NPNT: variants seen among roughly 807,000 people sequenced by gnomAD.
NPNT encodes nephronectin, also known as preosteoblast EGF-like repeat protein with MAM domain.
In NPNT, 45 loss-of-function variants were observed where a neutral mutation model predicts 68.6. The ratio of observed to expected loss-of-function variants is 0.66; its 90% CI spans 0.52 to 0.84. NPNT has a LOEUF of 0.84. NPNT is among the 40% of genes least tolerant of loss of function. The pLI, the probability that NPNT is intolerant of heterozygous loss-of-function variation, is 0.00. For missense variants in NPNT, 672 were observed against 714.8 expected (o/e 0.94, Z 0.68); for synonymous variants, 233 against 253.3 (o/e 0.92, Z 0.76).
rs541440579 is a variant in NPNT, at chr4:105,935,695, G to A, written c.266-1314G>A. Among the ~76,000 whole-genome samples, 7 of 152,182 alleles carry A rather than the reference G, an allele frequency of 4.6e-5. No homozygotes were observed. In the South Asian group the frequency reaches 6.2e-4, roughly 14 times the overall value. On this transcript the variant is annotated intron_variant, in intron 3 of 11. Transcript: ENST00000379987. ...TTTGGTTTATTTATTTAACCTTTCCGGGATTTGCCCAGCTCGGGGTCTGCT... is the reference window on the plus strand; with the variant it reads ...TTTGGTTTATTTATTTAACCTTTCCAGGATTTGCCCAGCTCGGGGTCTGCT...
At chr4:105,918,732 A>C (rs10014611) in intron 2 of NPNT, among the ~76,000 whole-genome samples, 11,812 of 152,132 alleles carry the variant, frequency 0.078, 852 homozygotes, top group African/African-American at 0.19. Context: ...TATATCCCCA[A>C]TTTTTAATAT....
Position 105,970,784 on chromosome 4 carries a change from C to T in NPNT, c.*1794C>T. On this transcript the variant is annotated 3_prime_UTR_variant, in exon 12 of 12. Transcript: ENST00000379987. The stretch of plus-strand genomic sequence containing the variant: ...TTTCCCAAAAGATGTTTTGATCCTA[C>T]TAGTAGTATGCAGTGAAAATCTTTA... 2.9e-6 allele frequency: 1 copy of T among 349,868 alleles called. No individual in the cohort carries two copies. The allele number at this position is 349,868 out of a possible 1,614,324, so 21.7% of individuals were successfully genotyped here.
chr4:105,935,076 CTG>C (rs1418871625), intron 3 of NPNT, among the ~76,000 whole-genome samples: 1 of 152,170 alleles, frequency 6.6e-6, no homozygotes, highest in African/African-American at 2.4e-5. Flanking sequence ...CTGCCTGAAA[CTG>C]TAAACACCGA....
At chr4:105,895,787 G>C (rs186275004) in intron 1 of NPNT, 64 bp downstream of exon 1, 1 of 1,393,846 alleles carries the variant, frequency 7.2e-7, no homozygotes, top group East Asian at 2.5e-5. Flanking sequence ...ACTGTCTTGG[G>C]TCACTTTTCC....
intron 2 of NPNT, chr4:105,911,766 GCCTTTCTT>G (rs1727382965): frequency 5.2e-6 from 1 of 191,710 alleles, no homozygotes; most frequent in Admixed American, 5.6e-5. Context: ...AAAACTATTA[GCCTTTCTT>G]ACTAATTGAT....
chr4:105,951,251 T>C (rs991838107), intron 8 of NPNT, among the ~76,000 whole-genome samples: 1 of 152,188 alleles, frequency 6.6e-6, no homozygotes, highest in African/African-American at 2.4e-5. Flanking sequence ...GAACATAATG[T>C]TATTAATATG....
At chr4:105,947,232 C>T (rs1730460558) in intron 8 of NPNT, among the ~76,000 whole-genome samples, 1 of 152,038 alleles carries the variant, frequency 6.6e-6, no homozygotes, top group Non-Finnish European at 1.5e-5. Context: ...TTATTGTGTT[C>T]TTTTTCAAGG....
intron 6 of NPNT, 42 bp from the exon 7 acceptor site, chr4:105,940,472 A>T (rs778385018): frequency 6.4e-7 from 1 of 1,573,230 alleles, no homozygotes; most frequent in Non-Finnish European, 8.7e-7. Context: ...CATCATATTT[A>T]TCTCCTAAAT....
At chr4:105,918,605 C>A (rs1728002228) in intron 2 of NPNT, among the ~76,000 whole-genome samples, 5 of 152,154 alleles carry the variant, frequency 3.3e-5, no homozygotes, top group Admixed American at 3.3e-4. Context: ...TGTAATTAAT[C>A]ACTGCCTGTT....
intron 8 of NPNT, among the ~76,000 whole-genome samples, chr4:105,944,769 G>A (rs374381672): frequency 6.6e-4 from 100 of 152,332 alleles, no homozygotes; most frequent in East Asian, 3.3e-3. Flanking sequence ...CATCTTCAGC[G>A]ATAGCTGCTT....
intron 2 of NPNT, among the ~76,000 whole-genome samples, chr4:105,921,182 C>T (rs368621086): frequency 6.6e-6 from 1 of 152,046 alleles, no homozygotes. Context: ...TCATTATTAA[C>T]ATTCTCTACC....
intron 2 of NPNT, among the ~76,000 whole-genome samples, chr4:105,914,535 C>G (rs1727647107): frequency 6.9e-6 from 1 of 144,800 alleles, no homozygotes; most frequent in Admixed American, 7.2e-5. Flanking sequence ...GATCCAGGAC[C>G]AACTACTGCA....
chr4:105,909,799 A>G (rs896189991), intron 2 of NPNT, among the ~76,000 whole-genome samples: 2 of 152,204 alleles, frequency 1.3e-5, no homozygotes, highest in Non-Finnish European at 1.5e-5. Flanking sequence ...GAGAGGCAGA[A>G]GTACATTGTG....
intron 2 of NPNT, among the ~76,000 whole-genome samples, chr4:105,914,460 TATATA>T (rs1318056085): frequency 1.1e-4 from 15 of 138,128 alleles, no homozygotes; most frequent in African/African-American, 3.8e-4. Context: ...CATAATATAA[TATATA>T]ATATATTATA....
chr4:105,937,728 T>TA (rs1729604813), intron 4 of NPNT, among the ~76,000 whole-genome samples: 1 of 152,188 alleles, frequency 6.6e-6, no homozygotes, highest in East Asian at 1.9e-4. Flanking sequence ...CATTTGGATG[T>TA]AAAAAATGGA....
chr4:105,910,735 G>A (rs555211449), intron 2 of NPNT, among the ~76,000 whole-genome samples: 13 of 151,980 alleles, frequency 8.6e-5, no homozygotes, highest in Admixed American at 2.6e-4. Context: ...TCTTGAAGTC[G>A]GGTATATATT....
At position 105,938,461 on chromosome 4, in the gene NPNT, A is replaced by G. The variant is rs755549495; in HGVS notation, c.505+41A>G. On this transcript the variant is annotated intron_variant, in intron 5 of 11. Coordinates refer to ENST00000379987, the MANE Select transcript of NPNT (RefSeq NM_001033047.3). The stretch of plus-strand genomic sequence containing the variant: ...AAGCATCTCTGTCAGCAGCCTCTGT[A>G]GGATAAAGGGAGAAAGTGAAAGGTG... The G allele has an allele frequency of 8.7e-6, 14 of 1,603,194 alleles. No individual in the cohort carries two copies. The South Asian group carries it at 1.1e-4, about 13-fold the overall frequency.
intron 8 of NPNT, among the ~76,000 whole-genome samples, chr4:105,946,043 A>AT (rs1407934627): frequency 2.0e-5 from 3 of 152,168 alleles, no homozygotes; most frequent in South Asian, 2.1e-4. Flanking sequence ...CAGAAATCAG[A>AT]TTTTTTTAAA....
At chr4:105,905,530 T>C (rs561674450) in intron 2 of NPNT, among the ~76,000 whole-genome samples, 2 of 152,346 alleles carry the variant, frequency 1.3e-5, no homozygotes, top group South Asian at 4.1e-4. Flanking sequence ...TATCTTGATT[T>C]TTTTTTCATG....
Sources: gnomAD v4.1 joint callset for allele counts (sites outside exome capture counted in the v4.1 genomes callset) on GRCh38, gnomAD v4.1.1 for gene constraint, MANE v1.5 for transcripts, NCBI Gene and HGNC (gene_info 2026-07-23, HGNC 2026-07-21) for gene names.